NCKAP5: variants seen among roughly 807,000 people sequenced by gnomAD.
NCKAP5 encodes the protein NCK associated protein 5, also known as nck-associated protein 5.
In NCKAP5, 92 loss-of-function variants were observed where a neutral mutation model predicts 167.0. The observed-to-expected ratio is 0.55, with a 90% CI of 0.47 to 0.66. The LOEUF (loss-of-function observed/expected upper bound fraction) is 0.66, where lower values mean the gene tolerates loss of function less well. Ranked by LOEUF, NCKAP5 falls within the 30% of genes least tolerant of loss-of-function variation. The pLI is 0.00. For missense variants in NCKAP5, 2,378 were observed against 2,315.0 expected (o/e 1.03, Z -0.56); for synonymous variants, 891 against 877.4 (o/e 1.02, Z -0.27).
Position 133,507,143 on chromosome 2 carries a change from T to C in NCKAP5, c.69+10315A>G, listed in dbSNP as rs552491795. On this transcript the variant is annotated intron_variant, in intron 3 of 19. Coordinates refer to ENST00000409261, the MANE Select transcript of NCKAP5 (RefSeq NM_207363.3). ...TCTGTCTAGTTGGTGCCTTCACAGATTTCACTCTCAGCGTTCACCAACCCA... is the reference window on the plus strand; with the variant it reads ...TCTGTCTAGTTGGTGCCTTCACAGACTTCACTCTCAGCGTTCACCAACCCA... Among the ~76,000 whole-genome samples, 133 of 152,214 alleles carry C rather than the reference T, an allele frequency of 8.7e-4. 1 individual carries two copies. Among genetic ancestry groups the C allele is most frequent in the African/African-American group, 3.0e-3 (123 of 41,536 alleles).
intron 4 of NCKAP5, among the ~76,000 whole-genome samples, chr2:133,245,615 A>T (rs2087938574): frequency 6.6e-6 from 1 of 152,096 alleles, no homozygotes; most frequent in Non-Finnish European, 1.5e-5. Flanking sequence ...TTCCGTATGT[A>T]TGTTACACCT....
At position 132,946,983 on chromosome 2, in the gene NCKAP5, G is replaced by T. The variant is rs532367078; in HGVS notation, c.579+16737C>A. Among the ~76,000 whole-genome samples, 12 of 152,298 alleles carry T rather than the reference G, an allele frequency of 7.9e-5. No individual in the cohort carries two copies. The East Asian group carries it at 2.3e-3, about 29-fold the overall frequency. On this transcript the variant is annotated intron_variant, in intron 8 of 19. Coordinates refer to ENST00000409261, the MANE Select transcript of NCKAP5 (RefSeq NM_207363.3). Reference sequence around the variant, plus strand: ...AGTTATAAAACATTAGATCAAAATGGATGAAAAAAGTTGTGGTGTTTCTTA... The same window carrying T: ...AGTTATAAAACATTAGATCAAAATGTATGAAAAAAGTTGTGGTGTTTCTTA...
intron 7 of NCKAP5, among the ~76,000 whole-genome samples, chr2:132,986,696 A>T (rs902352954): frequency 6.6e-6 from 1 of 152,262 alleles, no homozygotes; most frequent in East Asian, 1.9e-4. Context: ...TTTATAATTG[A>T]TAGTTTAACA....
intron 5 of NCKAP5, among the ~76,000 whole-genome samples, chr2:133,136,616 C>T (rs1400574154): frequency 2.0e-5 from 3 of 152,052 alleles, no homozygotes; most frequent in Admixed American, 6.6e-5. Flanking sequence ...TGATAATATT[C>T]GAATTGAGTC....
chr2:133,500,898 G>T (rs1394492143), intron 3 of NCKAP5, among the ~76,000 whole-genome samples: 2 of 152,132 alleles, frequency 1.3e-5, no homozygotes, highest in African/African-American at 4.8e-5. Flanking sequence ...TACAACACAG[G>T]GAAGGGGTCC....
intron 4 of NCKAP5, among the ~76,000 whole-genome samples, chr2:133,270,061 G>A (rs1255420431): frequency 3.3e-5 from 5 of 152,198 alleles, no homozygotes; most frequent in Non-Finnish European, 7.3e-5. Context: ...GTTAAGACTG[G>A]AATGCCTATT....
the NCKAP5 span, among the ~76,000 whole-genome samples, chr2:133,651,170 T>C: frequency 2.6e-5 from 4 of 152,174 alleles, no homozygotes; most frequent in African/African-American, 9.7e-5. Context: ...ATAGACAAGT[T>C]GGACTTCTGC....
chr2:133,114,730 C>T (rs563226788), intron 6 of NCKAP5, among the ~76,000 whole-genome samples: 22 of 152,020 alleles, frequency 1.4e-4, no homozygotes, highest in South Asian at 4.2e-4. Context: ...TCATTTGTTC[C>T]GTAGAATTTC....
At chr2:133,069,121 T>G (rs113421936) in intron 6 of NCKAP5, among the ~76,000 whole-genome samples, 194 of 152,348 alleles carry the variant, frequency 1.3e-3, no homozygotes, top group Middle Eastern at 6.8e-3. Flanking sequence ...CTGTGAGATA[T>G]TCACGGTTCA....
chr2:133,577,299 T>C, the NCKAP5 span, among the ~76,000 whole-genome samples: 1 of 152,098 alleles, frequency 6.6e-6, no homozygotes, highest in Non-Finnish European at 1.5e-5. Context: ...GTGGGTAGAA[T>C]GAAGGCCCAG....
the NCKAP5 span, among the ~76,000 whole-genome samples, chr2:133,603,057 G>T: frequency 6.6e-6 from 1 of 152,090 alleles, no homozygotes; most frequent in South Asian, 2.1e-4. Flanking sequence ...GTGAAGGGGA[G>T]GATCACCGAT....
At chr2:133,043,264 T>C (rs189287264) in intron 6 of NCKAP5, among the ~76,000 whole-genome samples, 68 of 152,328 alleles carry the variant, frequency 4.5e-4, no homozygotes, top group Admixed American at 2.1e-3. Flanking sequence ...CAAGTACTTA[T>C]ACTCCTGTTT....
chr2:133,203,608 A>G (rs1472521185), intron 5 of NCKAP5, among the ~76,000 whole-genome samples: 2 of 152,100 alleles, frequency 1.3e-5, no homozygotes, highest in African/African-American at 4.8e-5. Context: ...ACCAGTATAA[A>G]ATCTCCATGT....
At chr2:133,174,287 C>T (rs1202031633) in intron 5 of NCKAP5, among the ~76,000 whole-genome samples, 1 of 152,018 alleles carries the variant, frequency 6.6e-6, no homozygotes, top group Non-Finnish European at 1.5e-5. Flanking sequence ...TATTAGTGTA[C>T]CTTATCAAGA....
At chr2:133,080,371 A>G (rs907658242) in intron 6 of NCKAP5, among the ~76,000 whole-genome samples, 6 of 152,108 alleles carry the variant, frequency 3.9e-5, no homozygotes, top group African/African-American at 1.4e-4. Flanking sequence ...TCAGTTAGTT[A>G]CCCTAAGGTT....
chr2:132,865,502 CT>C (rs1574460869), intron 10 of NCKAP5, among the ~76,000 whole-genome samples: 1 of 152,196 alleles, frequency 6.6e-6, no homozygotes, highest in East Asian at 1.9e-4. Context: ...GTCAGTTTTA[CT>C]CCACAGCTAT....
At chr2:133,259,417 T>C (rs1325065855) in intron 4 of NCKAP5, among the ~76,000 whole-genome samples, 2 of 152,236 alleles carry the variant, frequency 1.3e-5, no homozygotes, top group Non-Finnish European at 2.9e-5. Context: ...TATGAACTCA[T>C]GAAACCTAAG....
intron 19 of NCKAP5, among the ~76,000 whole-genome samples, chr2:132,712,692 A>G (rs1043951408): frequency 3.3e-5 from 5 of 152,156 alleles, no homozygotes; most frequent in Non-Finnish European, 7.3e-5. Flanking sequence ...TTGGGATTCA[A>G]TCTCAGCAGT....
intron 2 of NCKAP5, among the ~76,000 whole-genome samples, chr2:133,520,852 C>T (rs1275985806): frequency 6.6e-5 from 10 of 152,250 alleles, no homozygotes; most frequent in South Asian, 4.1e-4. Flanking sequence ...CAATCATAAA[C>T]GTACAGTCCA....
Sources: allele counts gnomAD v4.1 joint callset (sites outside exome capture counted in the v4.1 genomes callset), GRCh38; gene constraint gnomAD v4.1.1; transcripts MANE v1.5; gene names NCBI Gene and HGNC (gene_info 2026-07-23, HGNC 2026-07-21).